Variants in SEMA5A observed in about 807,000 individuals in gnomAD.
The protein encoded by SEMA5A is semaphorin 5A.
SEMA5A carries 55 observed loss-of-function variants against 135.5 expected under a neutral mutation model. That is an observed-to-expected ratio of 0.41 (90% CI 0.33 to 0.51). SEMA5A has a LOEUF of 0.51. SEMA5A is among the 20% of genes least tolerant of loss of function. The pLI, the probability that SEMA5A is intolerant of heterozygous loss-of-function variation, is 0.37. For missense variants in SEMA5A, 1,290 were observed against 1,419.9 expected (o/e 0.91, Z 1.47); for synonymous variants, 580 against 546.5 (o/e 1.06, Z -0.85).
intron 12 of SEMA5A, among the ~76,000 whole-genome samples, chr5:9,144,469 T>C (rs919137171): frequency 6.6e-6 from 1 of 152,208 alleles, no homozygotes; most frequent in African/African-American, 2.4e-5. Context: ...AGAGGTTCAA[T>C]GCCAAGGAAC....
intron 1 of SEMA5A, among the ~76,000 whole-genome samples, chr5:9,459,314 T>C (rs1200156407): frequency 6.6e-6 from 1 of 152,196 alleles, no homozygotes; most frequent in African/African-American, 2.4e-5. Context: ...ACAGCAAAGA[T>C]AATATATATG....
At chr5:9,109,231 G>A (rs1356337769) in intron 15 of SEMA5A, among the ~76,000 whole-genome samples, 2 of 151,074 alleles carry the variant, frequency 1.3e-5, no homozygotes, top group South Asian at 2.1e-4. Flanking sequence ...TAGTAGAGAC[G>A]GGGTTTCACC....
At chr5:9,475,959 T>C (rs953715490) in intron 1 of SEMA5A, among the ~76,000 whole-genome samples, 8 of 152,236 alleles carry the variant, frequency 5.3e-5, no homozygotes, top group African/African-American at 1.9e-4. Context: ...AAAGTCAATG[T>C]ATATTCTTCG....
intron 11 of SEMA5A, among the ~76,000 whole-genome samples, chr5:9,179,157 G>A (rs1486299280): frequency 1.3e-5 from 2 of 152,296 alleles, no homozygotes; most frequent in African/African-American, 4.8e-5. Flanking sequence ...AGCAGGTTTG[G>A]GAACAGGAAT....
chr5:9,516,293 A>C (rs897650408), intron 1 of SEMA5A, among the ~76,000 whole-genome samples: 13 of 152,124 alleles, frequency 8.5e-5, no homozygotes, highest in African/African-American at 3.1e-4. Context: ...CACACACACC[A>C]CACACACACC....
chr5:9,494,412 A>G (rs989440094), intron 1 of SEMA5A, among the ~76,000 whole-genome samples: 3 of 152,144 alleles, frequency 2.0e-5, no homozygotes. Context: ...ATGAATTTCC[A>G]CAAATGAGAC....
rs900602675 is a variant in SEMA5A at position 9,225,896 on chromosome 5, G to A, written c.432+973C>T. 5.9e-5 allele frequency among the ~76,000 whole-genome samples: 9 copies of A among 152,208 alleles called. No individual in the cohort carries two copies. The South Asian group carries it at 6.2e-4, about 11-fold the overall frequency. ...GTATTGGAGCAGAAGGGTCAGGCCC[G>A]GTAGGTACAGGCACACTGCTTGCTC... On this transcript the variant is annotated intron_variant, in intron 7 of 22. Transcript: ENST00000382496.
chr5:9,195,435 G>C (rs887382978), intron 10 of SEMA5A, among the ~76,000 whole-genome samples: 36 of 152,162 alleles, frequency 2.4e-4, no homozygotes, highest in Admixed American at 1.8e-3. Context: ...GCCTCACAAA[G>C]CACTGTGATT....
chr5:9,455,499 G>T (rs748261435), intron 1 of SEMA5A, among the ~76,000 whole-genome samples: 3 of 151,802 alleles, frequency 2.0e-5, no homozygotes, highest in Non-Finnish European at 2.9e-5. Flanking sequence ...TTTGTGATCC[G>T]CCCGCCTCGG....
intron 3 of SEMA5A, among the ~76,000 whole-genome samples, chr5:9,357,455 C>A (rs1754503583): frequency 6.6e-6 from 1 of 152,164 alleles, no homozygotes; most frequent in African/African-American, 2.4e-5. Flanking sequence ...AAACAACCGA[C>A]CAAGCCCATG....
At chr5:9,247,747 T>A (rs1748553224) in intron 5 of SEMA5A, among the ~76,000 whole-genome samples, 3 of 152,168 alleles carry the variant, frequency 2.0e-5, no homozygotes, top group Admixed American at 6.6e-5. Flanking sequence ...ATTATTTCCA[T>A]AAGCTTTTGT....
At chr5:9,289,758 T>G (rs1464651919) in intron 5 of SEMA5A, among the ~76,000 whole-genome samples, 1 of 152,190 alleles carries the variant, frequency 6.6e-6, no homozygotes, top group African/African-American at 2.4e-5. Flanking sequence ...TTAGACAATG[T>G]TTTTTGTTGA....
chr5:9,454,638 A>G (rs879457924), intron 1 of SEMA5A, among the ~76,000 whole-genome samples: 5 of 152,250 alleles, frequency 3.3e-5, no homozygotes, highest in Non-Finnish European at 7.3e-5. Context: ...ACAAAAAAGC[A>G]AAGTGATTCA....
At chr5:9,363,805 A>G (rs763334448) in intron 3 of SEMA5A, among the ~76,000 whole-genome samples, 16 of 152,238 alleles carry the variant, frequency 1.1e-4, no homozygotes, top group Non-Finnish European at 1.9e-4. Context: ...CAGAGCTGCC[A>G]AGGGTCAGTT....
intron 2 of SEMA5A, among the ~76,000 whole-genome samples, chr5:9,425,093 C>A (rs1024995937): frequency 6.6e-6 from 1 of 152,312 alleles, no homozygotes; most frequent in Middle Eastern, 3.4e-3. Context: ...CTAACCCTTA[C>A]CCACCTCTGT....
At chr5:9,345,579 T>G (rs141552983) in intron 3 of SEMA5A, among the ~76,000 whole-genome samples, 5 of 149,914 alleles carry the variant, frequency 3.3e-5, no homozygotes, top group Non-Finnish European at 5.9e-5. Context: ...TCTGAGCACA[T>G]GAAAATTTCT....
intron 5 of SEMA5A, among the ~76,000 whole-genome samples, chr5:9,284,423 AG>A (rs1367328726): frequency 6.6e-6 from 1 of 152,240 alleles, no homozygotes; most frequent in African/African-American, 2.4e-5. Context: ...TTGCCTGAAA[AG>A]TATCAATGTA....
intron 11 of SEMA5A, among the ~76,000 whole-genome samples, chr5:9,170,901 C>T (rs542270292): frequency 6.6e-6 from 1 of 152,258 alleles, no homozygotes; most frequent in East Asian, 1.9e-4. Context: ...GGGTGGTGCC[C>T]TGTACAGAGT....
At chr5:9,381,378 G>A (rs566853753) in intron 2 of SEMA5A, among the ~76,000 whole-genome samples, 5 of 152,260 alleles carry the variant, frequency 3.3e-5, no homozygotes, top group South Asian at 2.1e-4. Flanking sequence ...CCACAGATTC[G>A]GGCATTCCTC....
Sources: gnomAD v4.1 joint callset for allele counts (sites outside exome capture counted in the v4.1 genomes callset) on GRCh38, gnomAD v4.1.1 for gene constraint, MANE v1.5 for transcripts, NCBI Gene and HGNC (gene_info 2026-07-23, HGNC 2026-07-21) for gene names.